SNTG1: variants seen among roughly 807,000 people sequenced by gnomAD.
SNTG1 encodes the protein syntrophin gamma 1.
In SNTG1, 39 loss-of-function variants were observed where a neutral mutation model predicts 74.7. That is an observed-to-expected ratio of 0.52 (90% CI 0.40 to 0.68). The LOEUF (loss-of-function observed/expected upper bound fraction) is 0.68, where lower values mean the gene tolerates loss of function less well. SNTG1 is among the 30% of genes least tolerant of loss of function. SNTG1 has a pLI of 0.00. For synonymous variants in SNTG1, 254 were observed against 217.1 expected (o/e 1.17, Z -1.49); for missense variants, 685 against 609.5 (o/e 1.12, Z -1.30).
intron 1 of SNTG1, among the ~76,000 whole-genome samples, chr8:49,987,682 A>G (rs1813300052): frequency 7.7e-6 from 1 of 129,092 alleles, no homozygotes; most frequent in Admixed American, 9.1e-5. Flanking sequence ...GGAGTCTGGC[A>G]CTGCCACCCA....
chr8:50,512,248 G>T (rs185017179), intron 9 of SNTG1, among the ~76,000 whole-genome samples: 2 of 151,914 alleles, frequency 1.3e-5, no homozygotes, highest in South Asian at 4.2e-4. Context: ...TTGGCCCCCA[G>T]TCTCTTCTGG....
intron 15 of SNTG1, among the ~76,000 whole-genome samples, chr8:50,676,838 TC>T (rs1360782463): frequency 6.6e-6 from 1 of 152,008 alleles, no homozygotes; most frequent in African/African-American, 2.4e-5. Flanking sequence ...TAAAGATATT[TC>T]TAAAACAATG....
chr8:50,739,701 C>A (rs754516291), intron 17 of SNTG1, among the ~76,000 whole-genome samples: 1 of 151,878 alleles, frequency 6.6e-6, no homozygotes, highest in South Asian at 2.1e-4. Context: ...ATAAATACAA[C>A]GTGGCGGCAT....
At chr8:49,946,819 A>G (rs1306340910) in intron 1 of SNTG1, among the ~76,000 whole-genome samples, 1 of 152,206 alleles carries the variant, frequency 6.6e-6, no homozygotes, top group Non-Finnish European at 1.5e-5. Flanking sequence ...AATTAATAGG[A>G]CATGTAACTT....
chr8:50,239,865 C>A (rs1188776330), intron 2 of SNTG1, among the ~76,000 whole-genome samples: 4 of 152,174 alleles, frequency 2.6e-5, no homozygotes, highest in African/African-American at 9.7e-5. Flanking sequence ...CTACTATTAT[C>A]TTTCCAGACC....
At chr8:50,740,810 TA>T (rs2095541584) in intron 17 of SNTG1, among the ~76,000 whole-genome samples, 1 of 151,870 alleles carries the variant, frequency 6.6e-6, no homozygotes, top group Non-Finnish European at 1.5e-5. Context: ...TAAGCAGCCA[TA>T]AAAAAGAATG....
chr8:50,026,618 A>T (rs1817285585), intron 1 of SNTG1, among the ~76,000 whole-genome samples: 1 of 152,144 alleles, frequency 6.6e-6, no homozygotes, highest in African/African-American at 2.4e-5. Flanking sequence ...CATACATTTA[A>T]AAATAGACCA....
At chr8:50,355,437 A>G (rs893143313) in intron 2 of SNTG1, among the ~76,000 whole-genome samples, 1 of 152,118 alleles carries the variant, frequency 6.6e-6, no homozygotes, top group Non-Finnish European at 1.5e-5. Context: ...CCTAAATTTG[A>G]TAATTATGTT....
chr8:50,759,942 C>T (rs1219776786), intron 18 of SNTG1, among the ~76,000 whole-genome samples: 5 of 151,978 alleles, frequency 3.3e-5, no homozygotes, highest in African/African-American at 4.8e-5. Context: ...GGGCATGTGG[C>T]CATTTTCATG....
chr8:50,054,991 A>AT (rs1020685962), intron 1 of SNTG1, among the ~76,000 whole-genome samples: 5 of 151,910 alleles, frequency 3.3e-5, no homozygotes, highest in African/African-American at 7.3e-5. Flanking sequence ...TAGGCCTTCA[A>AT]TTTTTTTTAA....
intron 2 of SNTG1, among the ~76,000 whole-genome samples, chr8:50,309,725 A>G (rs1189364636): frequency 6.6e-6 from 1 of 152,196 alleles, no homozygotes; most frequent in East Asian, 1.9e-4. Flanking sequence ...CTGAGAGACG[A>G]AGTGGAGATT....
chr8:49,943,328 A>G (rs1808869780), intron 1 of SNTG1, among the ~76,000 whole-genome samples: 1 of 152,202 alleles, frequency 6.6e-6, no homozygotes. Flanking sequence ...AGAATTGCAA[A>G]GTGGGTGCTT....
chr8:50,213,819 C>T (rs576550960), intron 2 of SNTG1, among the ~76,000 whole-genome samples: 2 of 151,692 alleles, frequency 1.3e-5, no homozygotes. Context: ...ATTGTAGATT[C>T]TGGATATTAG....
chr8:50,376,580 C>T (rs12546927), intron 2 of SNTG1, among the ~76,000 whole-genome samples: 2 of 151,760 alleles, frequency 1.3e-5, no homozygotes, highest in African/African-American at 4.8e-5. Context: ...GACTTGCAGC[C>T]TGACACTTAC....
Position 50,103,729 on chromosome 8 carries a change from C to T in SNTG1, c.-102-68832C>T, listed in dbSNP as rs563445444. ...AGATAGCTCTTATTATTTTGAGATA[C>T]GTCCCATCAATACCTAATTTATTGA... On this transcript the variant is annotated intron_variant, in intron 1 of 18. Coordinates refer to ENST00000642720, the MANE Select transcript of SNTG1 (RefSeq NM_018967.5). Among the ~76,000 whole-genome samples the T allele has an allele frequency of 6.6e-4, 100 of 152,140 alleles. 2 individuals carry two copies. The highest frequency in any genetic ancestry group is 2.0e-3 in the African/African-American group (84 of 41,500).
At chr8:50,540,315 G>T (rs181206762) in intron 11 of SNTG1, among the ~76,000 whole-genome samples, 62 of 152,054 alleles carry the variant, frequency 4.1e-4, no homozygotes, top group Admixed American at 9.8e-4. Context: ...AATATTTTGG[G>T]ATTTTCTAAT....
chr8:50,458,345 A>G (rs2093527536), intron 8 of SNTG1, among the ~76,000 whole-genome samples: 2 of 152,216 alleles, frequency 1.3e-5, no homozygotes, highest in Non-Finnish European at 2.9e-5. Context: ...CAGAAAAAGA[A>G]GAGCTCTTGG....
In SNTG1 at chr8:49,992,335, T is replaced by C. The variant is rs145620434; in HGVS notation, c.-103+80104T>C. Among the ~76,000 whole-genome samples the C allele has an allele frequency of 3.9e-3, 592 of 152,298 alleles. 8 individuals carry two copies. Among genetic ancestry groups the C allele is most frequent in the African/African-American group, 0.012 (493 of 41,558 alleles). On this transcript the variant is annotated intron_variant, in intron 1 of 18. Coordinates refer to ENST00000642720, the MANE Select transcript of SNTG1 (RefSeq NM_018967.5). ...TCTACAGGGACTAACTGTACCTCCA[T>C]TTGTAGCAGGTCCACCACCGGGCAC...
At chr8:50,463,171 C>T (rs1227828967) in intron 8 of SNTG1, among the ~76,000 whole-genome samples, 1 of 152,070 alleles carries the variant, frequency 6.6e-6, no homozygotes, top group Non-Finnish European at 1.5e-5. Context: ...TTGTTGTTTC[C>T]TACACTGAAA....
Sources: allele counts gnomAD v4.1 joint callset (sites outside exome capture counted in the v4.1 genomes callset), GRCh38; gene constraint gnomAD v4.1.1; transcripts MANE v1.5; gene names NCBI Gene and HGNC (gene_info 2026-07-23, HGNC 2026-07-21).